Variants in LDLRAD3 observed in about 807,000 individuals in gnomAD.
The protein encoded by LDLRAD3 is low-density lipoprotein receptor class A domain-containing protein 3.
Under a neutral mutation model 29.4 loss-of-function variants are expected in LDLRAD3, and 20 were observed. The observed-to-expected ratio is 0.68, with a 90% CI of 0.48 to 0.99. The LOEUF is 0.99. Ranked by LOEUF, LDLRAD3 falls within the 50% of genes least tolerant of loss-of-function variation. The pLI is 0.00. For missense variants in LDLRAD3, 420 were observed against 454.3 expected, an observed-to-expected ratio of 0.92 and a Z score of 0.69; for synonymous variants, 157 against 192.7, an observed-to-expected ratio of 0.81 and a Z score of 1.53.
intron 4 of LDLRAD3, among the ~76,000 whole-genome samples, chr11:36,215,870 A>T (rs1179751287): frequency 6.6e-6 from 1 of 152,204 alleles, no homozygotes; most frequent in African/African-American, 2.4e-5. Context: ...CACAGGCAGG[A>T]GTAGCACCGA....
chr11:35,949,290 T>C, intron 1 of LDLRAD3, among the ~76,000 whole-genome samples: 1 of 152,148 alleles, frequency 6.6e-6, no homozygotes, highest in Non-Finnish European at 1.5e-5. Context: ...AAGCAGGTGA[T>C]AGGCAGGTGA....
chr11:36,105,275 T>C (rs1174671632), intron 4 of LDLRAD3, among the ~76,000 whole-genome samples: 1 of 149,932 alleles, frequency 6.7e-6, no homozygotes, highest in Non-Finnish European at 1.5e-5. Flanking sequence ...GACAAGGCGG[T>C]GTGTGTGGTT....
chr11:36,177,110 A>C (rs1187250436), intron 4 of LDLRAD3, among the ~76,000 whole-genome samples: 1 of 151,910 alleles, frequency 6.6e-6, no homozygotes, highest in Non-Finnish European at 1.5e-5. Context: ...CTATTGTTGA[A>C]AATTTCCAGT....
intron 4 of LDLRAD3, among the ~76,000 whole-genome samples, chr11:36,191,540 C>CTCTCTCTCTCTCTCTCTCTT (rs1854943538): frequency 1.9e-4 from 9 of 47,114 alleles, no homozygotes; most frequent in African/African-American, 8.2e-4. Context: ...AAGACCCTGT[C>CTCTCTCTCTCTCTCTCTCTT]TCTCTCTCTC....
chr11:35,999,682 G>C (rs906221236), intron 1 of LDLRAD3, among the ~76,000 whole-genome samples: 1 of 152,168 alleles, frequency 6.6e-6, no homozygotes, highest in African/African-American at 2.4e-5. Context: ...CCAAAGGGAG[G>C]GGTGTATCAC....
chr11:35,955,358 A>ATGAT (rs1368527792), intron 1 of LDLRAD3, among the ~76,000 whole-genome samples: 1 of 152,254 alleles, frequency 6.6e-6, no homozygotes, highest in Non-Finnish European at 1.5e-5. Flanking sequence ...AACCACGCAA[A>ATGAT]TGATTCCAGG....
chr11:36,114,171 G>A (rs984823503), intron 4 of LDLRAD3, among the ~76,000 whole-genome samples: 4 of 152,172 alleles, frequency 2.6e-5, no homozygotes, highest in African/African-American at 4.8e-5. Flanking sequence ...GATCAACACC[G>A]GAACTTTTAG....
intron 2 of LDLRAD3, among the ~76,000 whole-genome samples, chr11:36,045,578 G>C (rs936230805): frequency 6.6e-6 from 1 of 152,098 alleles, no homozygotes; most frequent in African/African-American, 2.4e-5. Flanking sequence ...GTTTGGCTCT[G>C]TGTCCCCACC....
chr11:36,020,395 A>G lies in LDLRAD3; in HGVS notation c.47-15708A>G, dbSNP rs552664401. Among the ~76,000 whole-genome samples the G allele has an allele frequency of 7.7e-4, 118 of 152,296 alleles. No individual in the cohort carries two copies. In the South Asian group the frequency reaches 0.012, roughly 16 times the overall value. On this transcript the variant is annotated intron_variant, in intron 1 of 5. Coordinates refer to ENST00000315571, the MANE Select transcript of LDLRAD3 (RefSeq NM_174902.4). ...GTTCTGTAATCTTAAAATGCATGCA[A>G]ATAGGGACTGTCCACAAGATGGAGG...
chr11:36,090,793 A>G (rs987129639), intron 3 of LDLRAD3, among the ~76,000 whole-genome samples: 3 of 152,182 alleles, frequency 2.0e-5, no homozygotes, highest in Non-Finnish European at 4.4e-5. Context: ...AAGAAGTTCC[A>G]TGTGCAGAAT....
At chr11:36,147,438 G>T (rs1270986034) in intron 4 of LDLRAD3, among the ~76,000 whole-genome samples, 1 of 152,038 alleles carries the variant, frequency 6.6e-6, no homozygotes, top group East Asian at 1.9e-4. Context: ...CTTTTAAAAG[G>T]ACACCAGTCA....
chr11:36,066,500 A>C (rs1852795827), intron 2 of LDLRAD3, among the ~76,000 whole-genome samples: 1 of 152,162 alleles, frequency 6.6e-6, no homozygotes, highest in Non-Finnish European at 1.5e-5. Flanking sequence ...AATTCTCTAG[A>C]ATTTTCATTC....
chr11:36,034,197 C>G (rs1852275516), intron 1 of LDLRAD3, among the ~76,000 whole-genome samples: 1 of 152,136 alleles, frequency 6.6e-6, no homozygotes, highest in Admixed American at 6.5e-5. Context: ...GGGAGCCATT[C>G]AATGACCTTT....
chr11:36,103,583 T>C (rs903141729), intron 4 of LDLRAD3, among the ~76,000 whole-genome samples: 1 of 152,166 alleles, frequency 6.6e-6, no homozygotes, highest in Admixed American at 6.5e-5. Flanking sequence ...TGGACTCACT[T>C]ACTCAGGGTG....
In LDLRAD3 at chr11:36,145,032, G is replaced by A. The variant is rs567407785; in HGVS notation, c.454+46571G>A. ...CCGCCCCGTCCGGGAGGTGAGGGGC[G>A]CCTCTGCCCGGCCGCCTCTACTGGG... On this transcript the variant is annotated intron_variant, in intron 4 of 5. Coordinates refer to ENST00000315571, the MANE Select transcript of LDLRAD3 (RefSeq NM_174902.4). 7.0e-4 allele frequency among the ~76,000 whole-genome samples: 77 copies of A among 109,850 alleles called. 3 individuals carry two copies. The highest frequency in any genetic ancestry group is 2.1e-3 in the African/African-American group (61 of 28,696). 72.1% of individuals were successfully genotyped at this position (109,850 alleles called of 152,430 possible).
intron 4 of LDLRAD3, among the ~76,000 whole-genome samples, chr11:36,196,013 T>A (rs1855027087): frequency 6.9e-6 from 1 of 143,968 alleles, no homozygotes; most frequent in Non-Finnish European, 1.5e-5. Context: ...TTTGCCAAAA[T>A]GCCTACCCCA....
At chr11:36,194,446 T>G (rs1291783461) in intron 4 of LDLRAD3, among the ~76,000 whole-genome samples, 1 of 152,170 alleles carries the variant, frequency 6.6e-6, no homozygotes, top group Non-Finnish European at 1.5e-5. Context: ...CAGGAACATT[T>G]TCAACCACCT....
chr11:36,176,090 T>A (rs1331956591), intron 4 of LDLRAD3, among the ~76,000 whole-genome samples: 1 of 152,210 alleles, frequency 6.6e-6, no homozygotes, highest in African/African-American at 2.4e-5. Flanking sequence ...TATTGTTGCT[T>A]TAAAGTCTGT....
At chr11:36,168,538 G>A (rs1160722998) in intron 4 of LDLRAD3, among the ~76,000 whole-genome samples, 1 of 63,650 alleles carries the variant, frequency 1.6e-5, no homozygotes, top group Non-Finnish European at 3.3e-5. Context: ...AGGCATATTT[G>A]TTGGCATTTT....
Sources: gnomAD v4.1 joint callset for allele counts (sites outside exome capture counted in the v4.1 genomes callset) on GRCh38, gnomAD v4.1.1 for gene constraint, MANE v1.5 for transcripts, NCBI Gene and HGNC (gene_info 2026-07-23, HGNC 2026-07-21) for gene names.